AP3S1: variants seen among roughly 807,000 people sequenced by gnomAD.
The protein encoded by AP3S1 is adaptor related protein complex 3 subunit sigma 1.
A neutral mutation model predicts 21.3 loss-of-function variants in AP3S1; 12 were observed. The ratio of observed to expected loss-of-function variants is 0.56; its 90% CI spans 0.36 to 0.91. The LOEUF (loss-of-function observed/expected upper bound fraction) is 0.91, where lower values mean the gene tolerates loss of function less well. Ranked by LOEUF, AP3S1 falls within the 40% of genes least tolerant of loss-of-function variation. The pLI is 0.01. For missense variants in AP3S1, 116 were observed against 225.0 expected, an observed-to-expected ratio of 0.52 and a Z score of 3.10; for synonymous variants, 48 against 78.4, an observed-to-expected ratio of 0.61 and a Z score of 2.05.
At chr5:115,855,990 T>A (rs1762774925) in intron 1 of AP3S1, among the ~76,000 whole-genome samples, 1 of 152,170 alleles carries the variant, frequency 6.6e-6, no homozygotes, top group South Asian at 2.1e-4. Context: ...TTTCTGTTTT[T>A]TTTAAAGTTT....
intron 2 of AP3S1, among the ~76,000 whole-genome samples, chr5:115,867,357 A>T (rs1178635942): frequency 2.0e-5 from 3 of 152,190 alleles, no homozygotes; most frequent in African/African-American, 7.2e-5. Context: ...TTTTTCAAAT[A>T]TACCTAATTC....
chr5:115,857,987 G>T (rs1762913697), intron 1 of AP3S1, among the ~76,000 whole-genome samples: 1 of 152,108 alleles, frequency 6.6e-6, no homozygotes, highest in African/African-American at 2.4e-5. Context: ...TTTGCCAGTT[G>T]TCTGAATCAT....
At chr5:115,874,970 A>C (rs2112853221) in intron 3 of AP3S1, among the ~76,000 whole-genome samples, 1 of 152,268 alleles carries the variant, frequency 6.6e-6, no homozygotes, top group Middle Eastern at 3.4e-3. Context: ...AATAATAATA[A>C]CACCAATTCA....
chr5:115,867,878 A>C (rs576319354), intron 2 of AP3S1, among the ~76,000 whole-genome samples: 1 of 152,172 alleles, frequency 6.6e-6, no homozygotes, highest in Non-Finnish European at 1.5e-5. Flanking sequence ...TTTGAATTAG[A>C]AATTGTGGCT....
chr5:115,881,574 G>A (rs1749293991), intron 3 of AP3S1, among the ~76,000 whole-genome samples: 2 of 152,204 alleles, frequency 1.3e-5, no homozygotes, highest in Admixed American at 1.3e-4. Flanking sequence ...GAGATCTGCT[G>A]TTAGTCTGAT....
At chr5:115,898,797 G>A (rs530077350) in intron 4 of AP3S1, 1 of 152,346 alleles carries the variant, frequency 6.6e-6, no homozygotes, top group African/African-American at 2.4e-5. Context: ...AAGGTATGCT[G>A]TGGTTATTAC....
intron 3 of AP3S1, among the ~76,000 whole-genome samples, chr5:115,887,790 C>A (rs1481936726): frequency 6.6e-6 from 1 of 152,006 alleles, no homozygotes; most frequent in Non-Finnish European, 1.5e-5. Flanking sequence ...AAAGTTTGTG[C>A]TCTTGAGTAC....
chr5:115,904,405 T>C (rs1751471526), intron 5 of AP3S1, among the ~76,000 whole-genome samples: 1 of 152,182 alleles, frequency 6.6e-6, no homozygotes, highest in African/African-American at 2.4e-5. Context: ...GAAGAATAAA[T>C]CTCAAATCTA....
chr5:115,879,718 A>G (rs1368892298), intron 3 of AP3S1, among the ~76,000 whole-genome samples: 1 of 152,054 alleles, frequency 6.6e-6, no homozygotes, highest in African/African-American at 2.4e-5. Context: ...GATGGCCTCA[A>G]AAAATGAGTT....
chr5:115,869,235 C>G (rs535530777), intron 2 of AP3S1, among the ~76,000 whole-genome samples: 54 of 152,254 alleles, frequency 3.5e-4, no homozygotes, highest in Non-Finnish European at 2.5e-4. Flanking sequence ...AGTTTAGTAT[C>G]TTAGCTCAGT....
At chr5:115,890,941 A>G (rs2112532787) in intron 3 of AP3S1, among the ~76,000 whole-genome samples, 1 of 152,270 alleles carries the variant, frequency 6.6e-6, no homozygotes, top group East Asian at 1.9e-4. Context: ...CTTCACTCCT[A>G]TTATTACTCT....
rs148348560 is a variant in AP3S1 at position 115,873,897 on chromosome 5, A to G, written c.273+3769A>G. 2.2e-4 allele frequency among the ~76,000 whole-genome samples: 34 copies of G among 152,284 alleles called. 1 individual carries two copies. The East Asian group carries it at 6.6e-3, about 29-fold the overall frequency. On this transcript the variant is annotated intron_variant, in intron 3 of 5. Coordinates refer to ENST00000316788, the MANE Select transcript of AP3S1 (RefSeq NM_001284.4). ...ATATGTAACTATTAAACCTATGCTT[A>G]TAATTTTGATATTTTAAATATCAAA... is the stretch of plus-strand genomic sequence containing the variant.
chr5:115,910,018 C>T (rs1751969436), intron 5 of AP3S1, among the ~76,000 whole-genome samples: 1 of 152,158 alleles, frequency 6.6e-6, no homozygotes, highest in Admixed American at 6.5e-5. Context: ...AATACCAACA[C>T]TTTGAGGGGC....
At chr5:115,868,652 C>T (rs1027316261) in intron 2 of AP3S1, among the ~76,000 whole-genome samples, 1 of 151,842 alleles carries the variant, frequency 6.6e-6, no homozygotes, top group Non-Finnish European at 1.5e-5. Flanking sequence ...GAGGCCTAGG[C>T]GTGCAGATCT....
intron 1 of AP3S1, among the ~76,000 whole-genome samples, chr5:115,860,561 C>G (rs1763101381): frequency 6.6e-6 from 1 of 152,200 alleles, no homozygotes; most frequent in Admixed American, 6.5e-5. Flanking sequence ...TCTTTATCTT[C>G]ACTTCCAGAC....
intron 1 of AP3S1, among the ~76,000 whole-genome samples, chr5:115,857,618 C>A (rs112521274): frequency 2.6e-5 from 4 of 152,270 alleles, no homozygotes; most frequent in African/African-American, 9.6e-5. Flanking sequence ...CATTTCATTT[C>A]TCCCTTTCCA....
chr5:115,845,792 G>A (rs763893695), intron 1 of AP3S1, among the ~76,000 whole-genome samples: 5 of 130,198 alleles, frequency 3.8e-5, no homozygotes, highest in Non-Finnish European at 6.2e-5. Context: ...AGCTGAGATC[G>A]TGCCACTGCA....
intron 1 of AP3S1, among the ~76,000 whole-genome samples, chr5:115,849,374 C>T (rs1762278357): frequency 6.6e-6 from 1 of 152,062 alleles, no homozygotes; most frequent in Non-Finnish European, 1.5e-5. Context: ...AATATGAAAA[C>T]AGTAAAGAAA....
chr5:115,861,860 CTTTTCTT>C (rs1284364688), intron 1 of AP3S1, among the ~76,000 whole-genome samples: 4 of 120,118 alleles, frequency 3.3e-5, no homozygotes, highest in Non-Finnish European at 3.4e-5. Context: ...ATTTTCTTTT[CTTTTCTT>C]TTTTTTTTTT....
Sources: allele counts gnomAD v4.1 joint callset (sites outside exome capture counted in the v4.1 genomes callset), GRCh38; gene constraint gnomAD v4.1.1; transcripts MANE v1.5; gene names NCBI Gene and HGNC (gene_info 2026-07-23, HGNC 2026-07-21).